LSP1: variants seen among roughly 807,000 people sequenced by gnomAD.
LSP1 encodes the protein lymphocyte-specific protein 1.
In LSP1, 32 loss-of-function variants were observed where a neutral mutation model predicts 49.3. The ratio of observed to expected loss-of-function variants is 0.65; its 90% CI spans 0.49 to 0.87. The LOEUF (loss-of-function observed/expected upper bound fraction) is 0.87. Ranked by LOEUF, LSP1 falls within the 40% of genes least tolerant of loss-of-function variation. The pLI is 0.00. For synonymous variants in LSP1, 179 were observed against 178.8 expected, an observed-to-expected ratio of 1.00 and a Z score of -0.01; for missense variants, 428 against 442.6, an observed-to-expected ratio of 0.97 and a Z score of 0.30.
At chr11:1,877,591 G>A (rs1248378160) in intron 1 of LSP1, among the ~76,000 whole-genome samples, 5 of 152,198 alleles carry the variant, frequency 3.3e-5, no homozygotes, top group Non-Finnish European at 7.4e-5. Flanking sequence ...AACAGTCAAC[G>A]TTTGCCTCAC....
At chr11:1,869,311 A>T (rs1223024173) in intron 1 of LSP1, 2 of 290,154 alleles carry the variant, frequency 6.9e-6, no homozygotes, top group East Asian at 1.8e-4. Flanking sequence ...GGGTCTCTTG[A>T]CGAGAACAAA....
At chr11:1,887,644 A>G in intron 10 of LSP1, 68 bp downstream of exon 10, 2 of 1,291,734 alleles carry the variant, frequency 1.5e-6, no homozygotes, top group South Asian at 1.2e-5. Context: ...GAACTTGGCA[A>G]CCTGGAGGCT....
chr11:1,892,153 T>A lies in LSP1; in HGVS notation c.*394T>A, dbSNP rs111329862. 1 of 152,312 alleles carries A rather than the reference T, an allele frequency of 6.6e-6. No individual in the cohort carries two copies. Among genetic ancestry groups the A allele is most frequent in the Non-Finnish European group, 1.5e-5 (1 of 68,030 alleles). 9.4% of individuals were successfully genotyped at this position (152,312 alleles called of 1,614,324 possible). On this transcript the variant is annotated 3_prime_UTR_variant, in exon 11 of 11. Coordinates refer to ENST00000311604, the MANE Select transcript of LSP1 (RefSeq NM_002339.3). Reference sequence around the variant, plus strand: ...CACCCCCCCAGATCCAAGGAGAAACTGCAGGTCAAGGGCTGATAACGGCCA... The same window carrying A: ...CACCCCCCCAGATCCAAGGAGAAACAGCAGGTCAAGGGCTGATAACGGCCA...
intron 3 of LSP1, among the ~76,000 whole-genome samples, chr11:1,882,127 G>T (rs1848573133): frequency 6.6e-6 from 1 of 152,192 alleles, no homozygotes; most frequent in Admixed American, 6.5e-5. Flanking sequence ...GTGGGGATGT[G>T]TGTGCCTGTC....
At chr11:1,859,994 T>C (rs1452204620) in intron 1 of LSP1, among the ~76,000 whole-genome samples, 1 of 152,024 alleles carries the variant, frequency 6.6e-6, no homozygotes, top group Non-Finnish European at 1.5e-5. Flanking sequence ...CATTCGCAGG[T>C]ATGTGTCGGG....
At chr11:1,874,983 C>G (rs1486796897) in intron 1 of LSP1, among the ~76,000 whole-genome samples, 3 of 152,198 alleles carry the variant, frequency 2.0e-5, no homozygotes, top group Admixed American at 2.0e-4. Context: ...CTGCCCCCCA[C>G]AGCGGGCACA....
At chr11:1,883,052 C>G (rs577260418) in intron 3 of LSP1, among the ~76,000 whole-genome samples, 3 of 152,376 alleles carry the variant, frequency 2.0e-5, no homozygotes, top group Admixed American at 2.0e-4. Flanking sequence ...GCAGCCCGGC[C>G]TCGCGGGGAC....
intron 8 of LSP1, 57 bp from the exon 9 acceptor site, chr11:1,887,180 T>C: frequency 7.3e-7 from 1 of 1,370,178 alleles, no homozygotes; most frequent in Non-Finnish European, 1.0e-6. Flanking sequence ...GCCCAGGGCT[T>C]CTACTCCCCA....
intron 1 of LSP1, chr11:1,876,587 T>C (rs1848319501): frequency 5.1e-6 from 5 of 984,882 alleles, no homozygotes; most frequent in Non-Finnish European, 3.6e-6. Flanking sequence ...GGGGGCAGAG[T>C]CGGGACGGGG....
At chr11:1,881,683 C>T in intron 3 of LSP1, 87 bp downstream of exon 3, 1 of 1,375,962 alleles carries the variant, frequency 7.3e-7, no homozygotes, top group South Asian at 1.7e-5. Flanking sequence ...GCAGGGCTCC[C>T]TCTGGACCTC....
chr11:1,881,158 C>T (rs948323856), intron 2 of LSP1: 2 of 384,282 alleles, frequency 5.2e-6, no homozygotes, highest in African/African-American at 4.3e-5. Flanking sequence ...TAGCCCCAGG[C>T]TGATGGAGGA....
intron 1 of LSP1, chr11:1,871,209 G>A (rs370841098): frequency 6.7e-5 from 66 of 986,224 alleles, no homozygotes; most frequent in Non-Finnish European, 7.6e-5. Context: ...ACAGGAGGAG[G>A]GGGGAAGAAA....
chr11:1,875,027 C>T (rs1320425340), intron 1 of LSP1, among the ~76,000 whole-genome samples: 1 of 152,188 alleles, frequency 6.6e-6, no homozygotes, highest in Non-Finnish European at 1.5e-5. Flanking sequence ...GTGGGGCCCA[C>T]AGTCTCCTTT....
chr11:1,871,423 C>G, intron 1 of LSP1: 1 of 986,354 alleles, frequency 1.0e-6, no homozygotes, highest in Non-Finnish European at 1.2e-6. Flanking sequence ...GTAGGGCACC[C>G]AGCGCAAGGG....
chr11:1,858,024 G>A (rs1425676789), intron 1 of LSP1, among the ~76,000 whole-genome samples: 13 of 152,146 alleles, frequency 8.5e-5, no homozygotes, highest in Admixed American at 8.5e-4. Context: ...CCAAAGTCCT[G>A]GGATTACAAG....
chr11:1,855,780 G>C (rs1028980838), intron 1 of LSP1, among the ~76,000 whole-genome samples: 14 of 152,226 alleles, frequency 9.2e-5, no homozygotes, highest in Admixed American at 7.8e-4. Context: ...ATTTCACAGA[G>C]CTGCCTTGTG....
At chr11:1,854,654 G>A (rs906791263) in intron 1 of LSP1, among the ~76,000 whole-genome samples, 3 of 152,164 alleles carry the variant, frequency 2.0e-5, no homozygotes, top group Admixed American at 6.5e-5. Context: ...GGGTCGGGAC[G>A]TCCGTGCCTG....
At chr11:1,855,222 A>T (rs1449048161) in intron 1 of LSP1, among the ~76,000 whole-genome samples, 1 of 152,184 alleles carries the variant, frequency 6.6e-6, no homozygotes, top group East Asian at 1.9e-4. Context: ...GGAACCGGGG[A>T]GTTTCCTGTC....
At position 1,884,220 on chromosome 11, in the gene LSP1, G is replaced by T; in HGVS notation, c.592-60G>T. 6.3e-7 allele frequency: 1 copy of T among 1,592,334 alleles called. No homozygotes were observed. The highest frequency in any genetic ancestry group is 1.7e-5 in the Admixed American group (1 of 59,986). ...GATTAGTGGTTGGAGTAGCTGGGGA[G>T]ATGGAGGGTGGGCTTTACCTCGGCT... On this transcript the variant is annotated intron_variant, in intron 5 of 10. Transcript: ENST00000311604. The surrounding 1 kb of genome is among the most constrained non-coding windows in gnomAD (Gnocchi z 4.1).
Sources: gnomAD v4.1 joint callset for allele counts (sites outside exome capture counted in the v4.1 genomes callset) on GRCh38, gnomAD v4.1.1 for gene constraint, Gnocchi (gnomAD v3.1) non-coding constraint, MANE v1.5 for transcripts, NCBI Gene and HGNC (gene_info 2026-07-23, HGNC 2026-07-21) for gene names.